The following NAB2 variants were observed in gnomAD, a reference collection of about 807,000 sequenced individuals.
NAB2 encodes the protein NGFI-A binding protein 2, also known as NGFI-A-binding protein 2.
NAB2 carries 9 observed loss-of-function variants against 44.2 expected under a neutral mutation model. The observed-to-expected ratio is 0.20, with a 90% confidence interval of 0.12 to 0.36. The LOEUF (loss-of-function observed/expected upper bound fraction) is 0.36, where lower values mean the gene tolerates loss of function less well. Ranked by LOEUF, NAB2 falls within the 10% of genes least tolerant of loss-of-function variation. The probability of loss-of-function intolerance (pLI) is 1.00; values close to 1 mark genes in which losing one functional copy is unlikely to be tolerated. For missense variants in NAB2, 514 were observed against 709.0 expected, an observed-to-expected ratio of 0.73 and a Z score of 3.12; for synonymous variants, 342 against 291.0, an observed-to-expected ratio of 1.18 and a Z score of -1.78.
chr12:57,091,300 G>C lies in NAB2; in HGVS notation c.259G>C (p.Val87Leu). 1 of 1,611,070 alleles carries C rather than the reference G, an allele frequency of 6.2e-7. No homozygotes were observed. The highest frequency in any genetic ancestry group is 8.5e-7 in the Non-Finnish European group (1 of 1,177,396). Residue 87 changes from valine (V) to leucine (L), a missense_variant, in exon 2 of 7, where the codon GTG becomes CTG. Transcript: ENST00000300131. The surrounding 1 kb of genome is among the most constrained non-coding windows in gnomAD (Gnocchi z 7.3). ...GGAGTTTCTGGAGATCATGGCACTT[G>C]TGGGCATGGCCACCAAGCCCCTCCA... ...EEEFLEIMALVGMATKPLHVR... is the reference protein window; with the variant it reads ...EEEFLEIMALLGMATKPLHVR...
chr12:57,092,233 C>T, intron 2 of NAB2: 1 of 996,570 alleles, frequency 1.0e-6, no homozygotes, highest in Non-Finnish European at 1.4e-6. Flanking sequence ...TCACTCAGGA[C>T]CCCACAGGAG....
rs2033243329 is a variant in NAB2, at chr12:57,093,493, C to T, written c.1363C>T (p.Leu455=). The part of the protein sequence containing the change: ...PAHGLWSRHI[L]QQTLMDEGLR... ...CCATGGGCTATGGAGCCGACACATC[C>T]TGCAGCAGACACTGATGGACGAGGG... The change falls in exon 6 of 7, where the codon CTG becomes TTG. Residue 455 remains leucine (L), a synonymous_variant. Coordinates refer to ENST00000300131, the MANE Select transcript of NAB2 (RefSeq NM_005967.4). 3 of 1,594,170 alleles carry T rather than the reference C, an allele frequency of 1.9e-6. No individual in the cohort carries two copies. Among genetic ancestry groups the T allele is most frequent in the Admixed American group, 1.7e-5 (1 of 57,602 alleles).
At chr12:57,089,463 GGT>G in intron 1 of NAB2, 109 bp downstream of exon 1, 3 of 841,014 alleles carry the variant, frequency 3.6e-6, no homozygotes, top group Non-Finnish European at 5.4e-6. Context: ...GCAGGACGGG[GGT>G]GGGGGGTGGA....
rs780466637 is a variant in NAB2 at position 57,093,156 on chromosome 12, G to A, written c.1237G>A (p.Ala413Thr). The A allele has an allele frequency of 6.8e-6, 11 of 1,612,562 alleles. No individual in the cohort carries two copies. Among genetic ancestry groups the A allele is most frequent in the South Asian group, 3.3e-5 (3 of 91,022 alleles). The change falls in exon 5 of 7, where the codon GCC becomes ACC. Residue 413 changes from alanine (A) to threonine (T), a missense_variant. Ala to Thr is a moderately conservative substitution (Grantham distance 58). This residue lies in a region of NAB2 where 194 missense variants were observed against 223.9 expected (regional missense o/e 0.87). Transcript: ENST00000300131. The stretch of plus-strand genomic sequence containing the variant: ...CCGCCCCAGCCTGGAGGAGGACAGC[G>A]CCAGCCTGTCTGGGGAGAGTCTGGA... ...PYRPSLEEDS[A>T]SLSGESLDGH...
At position 57,092,082 on chromosome 12, in the gene NAB2, C is replaced by T. The variant is rs2136544269; in HGVS notation, c.957+84C>T. 2.6e-6 allele frequency: 4 copies of T among 1,511,302 alleles called. No individual in the cohort carries two copies. In the East Asian group the frequency reaches 9.2e-5, roughly 35 times the overall value. 93.6% of individuals were successfully genotyped at this position (1,511,302 alleles called of 1,614,324 possible). On this transcript the variant is annotated intron_variant, in intron 2 of 6. Transcript: ENST00000300131. ...CTCTGCGAGTTTCTACAGTCTCCGACTATCTTTCATTATCTCTTGACCAGG... is the reference window on the plus strand; with the variant it reads ...CTCTGCGAGTTTCTACAGTCTCCGATTATCTTTCATTATCTCTTGACCAGG...
At chr12:57,093,236 G>A (rs758679382) in intron 5 of NAB2, 41 bp downstream of exon 5, 118 of 1,548,054 alleles carry the variant, frequency 7.6e-5, no homozygotes, top group Non-Finnish European at 9.6e-5. Context: ...ATTGAGGGTG[G>A]GGGAGTAGGG....
At position 57,095,165 on chromosome 12, in the gene NAB2, C is replaced by T. The variant is rs79829605; in HGVS notation, c.*444C>T. On this transcript the variant is annotated 3_prime_UTR_variant, in exon 7 of 7. Coordinates refer to ENST00000300131, the MANE Select transcript of NAB2 (RefSeq NM_005967.4). ...GGGAACACTGGACCTGCTCCTTCTC[C>T]CCTCTCCTTCCCCGTTTTTGTGCTT... 36 of 159,792 alleles carry T rather than the reference C, an allele frequency of 2.3e-4. No individual in the cohort carries two copies. The East Asian group carries it at 6.4e-3, about 28-fold the overall frequency. The allele number at this position is 159,792 out of a possible 1,614,324, so 9.9% of individuals were successfully genotyped here. A position where few individuals can be genotyped will look rare whatever the true frequency, so the allele number is the denominator to read the frequency against.
rs1011775310 is a variant in NAB2, at chr12:57,094,797, A to C, written c.*76A>C. 2.4e-6 allele frequency: 3 copies of C among 1,232,890 alleles called. No individual in the cohort carries two copies. In the Admixed American group the frequency reaches 6.4e-5, roughly 26 times the overall value. 76.4% of individuals were successfully genotyped at this position (1,232,890 alleles called of 1,614,324 possible). On this transcript the variant is annotated 3_prime_UTR_variant, in exon 7 of 7. Transcript: ENST00000300131. ...AGACCCCCACGCTCTCCATCCCCGG[A>C]ATCTAGTCACAACCCTGGATCCTTC...
Position 57,092,008 on chromosome 12 carries a change from C to T in NAB2, c.957+10C>T. The T allele has an allele frequency of 6.3e-7, 1 of 1,593,530 alleles. No individual in the cohort carries two copies. ...GCTCAGCCTGCACGAGGTGAGAACC[C>T]CCAGGCCTCCTAGGATTGCCCTTGA... On this transcript the variant is annotated intron_variant, in intron 2 of 6. Coordinates refer to ENST00000300131, the MANE Select transcript of NAB2 (RefSeq NM_005967.4).
Position 57,095,084 on chromosome 12 carries a change from T to G in NAB2, c.*363T>G. The G allele has an allele frequency of 1.0e-5, 2 of 199,252 alleles. No homozygotes were observed. The highest frequency in any genetic ancestry group is 1.0e-5 in the Non-Finnish European group (1 of 97,788). The allele number at this position is 199,252 out of a possible 1,614,324, so 12.3% of individuals were successfully genotyped here. A position where few individuals can be genotyped will look rare whatever the true frequency, so the allele number is the denominator to read the frequency against. Reference sequence around the variant, plus strand: ...GTTTGGACAAGGGGGAAAGGGGGACTTCCCTGGGAAGGTCCAGCTAAAAGT... The same window carrying G: ...GTTTGGACAAGGGGGAAAGGGGGACGTCCCTGGGAAGGTCCAGCTAAAAGT... On this transcript the variant is annotated 3_prime_UTR_variant, in exon 7 of 7. Transcript: ENST00000300131.
chr12:57,094,781 C>A lies in NAB2; in HGVS notation c.*60C>A. ...GACTTCTGGCTCACACAGACCCCCACGCTCTCCATCCCCGGAATCTAGTCA... is the reference window on the plus strand; with the variant it reads ...GACTTCTGGCTCACACAGACCCCCAAGCTCTCCATCCCCGGAATCTAGTCA... On this transcript the variant is annotated 3_prime_UTR_variant, in exon 7 of 7. Coordinates refer to ENST00000300131, the MANE Select transcript of NAB2 (RefSeq NM_005967.4). The A allele has an allele frequency of 4.4e-6, 6 of 1,358,058 alleles. No homozygotes were observed. Among genetic ancestry groups the A allele is most frequent in the Non-Finnish European group, 6.1e-6 (6 of 990,516 alleles). 84.1% of individuals were successfully genotyped at this position (1,358,058 alleles called of 1,614,324 possible). A position where few individuals can be genotyped will look rare whatever the true frequency, so the allele number is the denominator to read the frequency against.
chr12:57,092,251 G>A (rs1018526799), intron 2 of NAB2, 197 bp from the exon 3 acceptor site: 60 of 990,558 alleles, frequency 6.1e-5, no homozygotes, highest in Non-Finnish European at 7.5e-5. Context: ...GAGAGGAGGA[G>A]GCCCCGGGCA....
At chr12:57,094,437 T>C (rs2033291906) in intron 6 of NAB2, among the ~76,000 whole-genome samples, 175 bp from the exon 7 acceptor site, 3 of 151,970 alleles carry the variant, frequency 2.0e-5, no homozygotes, top group Middle Eastern at 6.8e-3. Context: ...GGGAGGGGGC[T>C]CACACACATG....
At position 57,091,349 on chromosome 12, in the gene NAB2, TGA is replaced by T; in HGVS notation, c.314_315del (p.Glu105ValfsTer27). On this transcript the variant is annotated frameshift_variant, in exon 2 of 7. Coordinates refer to ENST00000300131, the MANE Select transcript of NAB2 (RefSeq NM_005967.4). LOFTEE classifies it high-confidence loss of function. This position sits in a 1 kb window ranked among gnomAD's most constrained non-coding sequence, Gnocchi z 7.3. The stretch of plus-strand genomic sequence containing the variant: ...CATGTCCGGCGCCTGCAGAAGGCAC[TGA>T]GAGAGTGGGCCACCAATCCAGGGCT... 1 of 1,614,126 alleles carries T rather than the reference TGA, an allele frequency of 6.2e-7. No homozygotes were observed. The highest frequency in any genetic ancestry group is 1.3e-5 in the African/African-American group (1 of 75,040).
chr12:57,091,093 G>A lies in NAB2; in HGVS notation c.84-32G>A, dbSNP rs553440050. On this transcript the variant is annotated intron_variant, in intron 1 of 6. Coordinates refer to ENST00000300131, the MANE Select transcript of NAB2 (RefSeq NM_005967.4). The surrounding 1 kb of genome is among the most constrained non-coding windows in gnomAD (Gnocchi z 7.3). ...GGTACCCAGTAGGGGGACTTGCACC[G>A]ACTGCCTCTCTCTTGTGCCCCTCCT... The A allele has an allele frequency of 4.4e-5, 66 of 1,491,618 alleles. No homozygotes were observed. The South Asian group carries it at 4.8e-4, about 11-fold the overall frequency. 92.4% of individuals were successfully genotyped at this position (1,491,618 alleles called of 1,614,324 possible).
At chr12:57,092,145 C>A (rs1376770539) in intron 2 of NAB2, 147 bp downstream of exon 2, 2 of 1,353,246 alleles carry the variant, frequency 1.5e-6, no homozygotes, top group Admixed American at 5.7e-5. Flanking sequence ...AGGCCCCTAC[C>A]CCAGCGGCCG....
chr12:57,094,597 C>G lies in NAB2; in HGVS notation c.1469-15C>G. 6.5e-7 allele frequency: 1 copy of G among 1,548,114 alleles called. No individual in the cohort carries two copies. Among genetic ancestry groups the G allele is most frequent in the Non-Finnish European group, 8.7e-7 (1 of 1,144,122 alleles). ...GTCACCCTGCAGTCTCCTAACTGCC[C>G]CCTTTTCCCTGCAGAGTTCGAGGAA... On this transcript the variant is annotated splice_polypyrimidine_tract_variant and intron_variant, in intron 6 of 6. Coordinates refer to ENST00000300131, the MANE Select transcript of NAB2 (RefSeq NM_005967.4).
chr12:57,089,454 C>T (rs2233269), intron 1 of NAB2, 100 bp downstream of exon 1: 3 of 653,840 alleles, frequency 4.6e-6, no homozygotes, highest in African/African-American at 2.6e-5. Context: ...CGTGGGGAAG[C>T]AGGACGGGGG....
At position 57,092,841 on chromosome 12, in the gene NAB2, C is replaced by T. The variant is rs958621296; in HGVS notation, c.1092-76C>T. On this transcript the variant is annotated intron_variant, in intron 3 of 6. Coordinates refer to ENST00000300131, the MANE Select transcript of NAB2 (RefSeq NM_005967.4). Reference sequence around the variant, plus strand: ...CAAAGGTTTTAAATAACACATGCCTCTGGCTGGGTTCTGTGCTCTGCCAGT... The same window carrying T: ...CAAAGGTTTTAAATAACACATGCCTTTGGCTGGGTTCTGTGCTCTGCCAGT... The T allele has an allele frequency of 7.1e-6, 11 of 1,552,924 alleles. No homozygotes were observed. In the African/African-American group the frequency reaches 1.4e-4, roughly 19 times the overall value.
Sources: gnomAD v4.1 joint callset for allele counts (sites outside exome capture counted in the v4.1 genomes callset) on GRCh38, gnomAD v4.1.1 for gene constraint, gnomAD v4.1.1 regional missense constraint, Gnocchi (gnomAD v3.1) non-coding constraint, MANE v1.5 for transcripts, NCBI Gene and HGNC (gene_info 2026-07-23, HGNC 2026-07-21) for gene names.